The following SOX5 variants were observed in gnomAD, a reference collection of about 807,000 sequenced individuals.
The protein encoded by SOX5 is SRY-box transcription factor 5.
A neutral mutation model predicts 92.0 loss-of-function variants in SOX5; 9 were observed. That is an observed-to-expected ratio of 0.10 (90% CI 0.06 to 0.17). The LOEUF is 0.17. Among genes scored for constraint, SOX5 ranks in the 10% least tolerant of loss-of-function variants. The pLI is 1.00. For synonymous variants in SOX5, 344 were observed against 336.3 expected, an observed-to-expected ratio of 1.02 and a Z score of -0.25; for missense variants, 642 against 944.5, an observed-to-expected ratio of 0.68 and a Z score of 4.20.
At chr12:24,173,652 G>A (rs959386813) in intron 4 of SOX5, among the ~76,000 whole-genome samples, 1 of 152,098 alleles carries the variant, frequency 6.6e-6, no homozygotes, top group African/African-American at 2.4e-5. Context: ...ATTGCCTGAG[G>A]AGTTCAGTAG....
intron 4 of SOX5, among the ~76,000 whole-genome samples, chr12:24,105,348 C>G (rs1049516107): frequency 2.6e-5 from 4 of 152,126 alleles, no homozygotes; most frequent in Non-Finnish European, 5.9e-5. Flanking sequence ...TGAGACAAGC[C>G]TGGCCAACAT....
intron 8 of SOX5, among the ~76,000 whole-genome samples, chr12:23,608,115 GAAAAAAA>G (rs772255622): frequency 4.5e-5 from 2 of 44,064 alleles, no homozygotes; most frequent in African/African-American, 1.6e-4. Flanking sequence ...AAAGAAAAAA[GAAAAAAA>G]AAAAAAAAAA....
At chr12:24,557,931 A>T (rs1473391738) in intron 1 of SOX5, among the ~76,000 whole-genome samples, 1 of 152,170 alleles carries the variant, frequency 6.6e-6, no homozygotes, top group Non-Finnish European at 1.5e-5. Flanking sequence ...AATTTTTCCT[A>T]ATTTTGTCAA....
intron 11 of SOX5, among the ~76,000 whole-genome samples, chr12:23,546,914 A>C (rs1439485385): frequency 6.6e-6 from 1 of 152,246 alleles, no homozygotes; most frequent in East Asian, 1.9e-4. Flanking sequence ...TCCTCATGCA[A>C]GGGTAATGAA....
At chr12:24,550,398 G>C (rs959920062) in intron 1 of SOX5, among the ~76,000 whole-genome samples, 4 of 152,052 alleles carry the variant, frequency 2.6e-5, no homozygotes, top group Non-Finnish European at 5.9e-5. Flanking sequence ...TACCTTTCTA[G>C]CTTCTGCTCT....
intron 1 of SOX5, among the ~76,000 whole-genome samples, chr12:24,471,824 T>C (rs1052269639): frequency 6.6e-6 from 1 of 152,050 alleles, no homozygotes; most frequent in Non-Finnish European, 1.5e-5. Context: ...AATAAGTTTA[T>C]GCACTTTTAA....
At chr12:24,113,687 C>G (rs186972449) in intron 4 of SOX5, among the ~76,000 whole-genome samples, 6 of 152,190 alleles carry the variant, frequency 3.9e-5, no homozygotes, top group Non-Finnish European at 7.4e-5. Context: ...CAACAGATTT[C>G]TGGACAATGA....
intron 3 of SOX5, among the ~76,000 whole-genome samples, chr12:24,276,925 C>T (rs1944498359): frequency 2.0e-5 from 3 of 151,884 alleles, no homozygotes; most frequent in African/African-American, 7.3e-5. Context: ...GAGAAAAAAG[C>T]TTTCACAACT....
chr12:24,018,648 C>T (rs1303854775), intron 4 of SOX5, among the ~76,000 whole-genome samples: 2 of 151,948 alleles, frequency 1.3e-5, no homozygotes, highest in Non-Finnish European at 2.9e-5. Context: ...AATACAAAAA[C>T]TAGCTGGGCA....
At chr12:23,812,573 A>G (rs561276694) in intron 3 of SOX5, among the ~76,000 whole-genome samples, 1 of 152,294 alleles carries the variant, frequency 6.6e-6, no homozygotes, top group South Asian at 2.1e-4. Flanking sequence ...AATTTTGAGC[A>G]CATAAATAAT....
At chr12:24,537,464 A>T (rs1442223600) in intron 1 of SOX5, among the ~76,000 whole-genome samples, 1 of 152,204 alleles carries the variant, frequency 6.6e-6, no homozygotes, top group Non-Finnish European at 1.5e-5. Flanking sequence ...GCTCAGCAAC[A>T]TAATCTTCAG....
At chr12:24,153,312 G>A (rs1419967460) in intron 4 of SOX5, among the ~76,000 whole-genome samples, 1 of 152,144 alleles carries the variant, frequency 6.6e-6, no homozygotes, top group African/African-American at 2.4e-5. Flanking sequence ...CTGGGAGAAG[G>A]AGGGGGTGCC....
rs192384649 is a variant in SOX5 at position 23,536,682 on chromosome 12, G to A, written c.1772-13C>T. On this transcript the variant is annotated splice_polypyrimidine_tract_variant and intron_variant, in intron 13 of 14. Transcript: ENST00000451604. ...TTCCAGCGAGATCCTATGAAGAAAG[G>A]AGGTTAGGATTCCAATTTGCACAGC... The A allele has an allele frequency of 1.5e-3, 2,402 of 1,602,368 alleles. 6 individuals carry two copies. The highest frequency in any genetic ancestry group is 1.8e-3 in the South Asian group (163 of 90,798).
intron 4 of SOX5, among the ~76,000 whole-genome samples, chr12:24,052,384 T>C (rs181492990): frequency 6.6e-6 from 1 of 152,198 alleles, no homozygotes; most frequent in Admixed American, 6.5e-5. Context: ...ATATTACCTT[T>C]AAAATATTTA....
intron 2 of SOX5, among the ~76,000 whole-genome samples, chr12:24,298,960 A>G (rs958455264): frequency 4.6e-5 from 7 of 152,084 alleles, no homozygotes; most frequent in Non-Finnish European, 1.0e-4. Flanking sequence ...GATGGCCAGG[A>G]AAGGGTATTG....
intron 1 of SOX5, among the ~76,000 whole-genome samples, chr12:23,903,227 T>A (rs1265857090): frequency 6.6e-6 from 1 of 152,168 alleles, no homozygotes; most frequent in Non-Finnish European, 1.5e-5. Context: ...TAATAGATGA[T>A]ATCTCACTAA....
intron 1 of SOX5, among the ~76,000 whole-genome samples, chr12:24,481,743 G>C (rs900823939): frequency 6.6e-6 from 1 of 152,090 alleles, no homozygotes; most frequent in Admixed American, 6.6e-5. Flanking sequence ...GGGGAGAAAC[G>C]TAGATGGGGG....
intron 3 of SOX5, among the ~76,000 whole-genome samples, chr12:23,778,547 A>G (rs2095179308): frequency 6.6e-6 from 1 of 152,224 alleles, no homozygotes; most frequent in South Asian, 2.1e-4. Flanking sequence ...AAAGCTATAA[A>G]GGTAGAGAGA....
At chr12:24,363,396 T>C (rs761669607) in intron 2 of SOX5, among the ~76,000 whole-genome samples, 3 of 152,178 alleles carry the variant, frequency 2.0e-5, no homozygotes, top group Non-Finnish European at 2.9e-5. Context: ...TTTTGCAATT[T>C]GATTGCCTCT....
Sources: allele counts gnomAD v4.1 joint callset (sites outside exome capture counted in the v4.1 genomes callset), GRCh38; gene constraint gnomAD v4.1.1; transcripts MANE v1.5; gene names NCBI Gene and HGNC (gene_info 2026-07-23, HGNC 2026-07-21).